Variants in INTS1 observed in about 807,000 individuals in gnomAD.
INTS1 encodes the protein integrator complex subunit 1.
INTS1 carries 137 observed loss-of-function variants against 241.6 expected under a neutral mutation model. That is an observed-to-expected ratio of 0.57 (90% CI 0.49 to 0.65). The LOEUF (loss-of-function observed/expected upper bound fraction) is 0.65. Among genes scored for constraint, INTS1 ranks in the 30% least tolerant of loss-of-function variants. The pLI is 0.00. For missense variants in INTS1, 3,073 were observed against 3,032.2 expected (o/e 1.01, Z -0.32); for synonymous variants, 1,692 against 1,337.8 (o/e 1.26, Z -5.78).
In INTS1 at chr7:1,471,518, G is replaced by C. The variant is rs1285785122; in HGVS notation, c.6255+53C>G. ...ATGTTGGGGTGGTGGCCCTGCTGGG[G>C]TTCCCCAAGGGAGTGGCTCCTCCCA... On this transcript the variant is annotated intron_variant, in intron 45 of 47. Coordinates refer to ENST00000404767, the MANE Select transcript of INTS1 (RefSeq NM_001080453.3). 12 of 1,577,854 alleles carry C rather than the reference G, an allele frequency of 7.6e-6. No homozygotes were observed. In the Admixed American group the frequency reaches 1.8e-4, roughly 24 times the overall value.
At chr7:1,495,788 G>A (rs1782818811) in intron 12 of INTS1, among the ~76,000 whole-genome samples, 1 of 152,168 alleles carries the variant, frequency 6.6e-6, no homozygotes, top group African/African-American at 2.4e-5. Context: ...CAATGGCTTA[G>A]AGGGCTTCTG....
chr7:1,485,630 G>C, intron 22 of INTS1, 161 bp from the exon 23 acceptor site: 1 of 698,200 alleles, frequency 1.4e-6, no homozygotes, highest in Non-Finnish European at 2.3e-6. Flanking sequence ...ACGAGACTGA[G>C]CTCTTTCTGT....
Position 1,490,108 on chromosome 7 carries a change from T to C in INTS1, c.2166-426A>G, listed in dbSNP as rs112464079. 2.6e-4 allele frequency among the ~76,000 whole-genome samples: 39 copies of C among 151,806 alleles called. 1 individual carries two copies. The highest frequency in any genetic ancestry group is 9.0e-4 in the African/African-American group (37 of 41,318). Reference sequence around the variant, plus strand: ...ATGAGACAGATGTGAATCGAGGCACTGCCTGGAGCCACATGCAGAGGCTGC... The same window carrying C: ...ATGAGACAGATGTGAATCGAGGCACCGCCTGGAGCCACATGCAGAGGCTGC... On this transcript the variant is annotated intron_variant, in intron 16 of 47. Transcript: ENST00000404767.
Position 1,503,102 on chromosome 7 carries a change from G to T in INTS1, c.148C>A (p.Pro50Thr). Residue 50 changes from proline (P) to threonine (T), a missense_variant, in exon 3 of 48, where the codon CCT (proline) becomes ACT (threonine). Transcript: ENST00000404767. The stretch of plus-strand genomic sequence containing the variant: ...TTGCGCTCAGAAGGCAGGCCGGAAG[G>T]GGCTGGCTTCAGCAGGGTGGACGCC... ...KTASTLLKPAPSGLPSERKRD... is the reference protein window; with the variant it reads ...KTASTLLKPATSGLPSERKRD... The T allele has an allele frequency of 6.2e-7, 1 of 1,609,376 alleles. No individual in the cohort carries two copies.
chr7:1,478,168 G>A (rs919450135), intron 33 of INTS1, among the ~76,000 whole-genome samples, 198 bp downstream of exon 33: 5 of 151,870 alleles, frequency 3.3e-5, no homozygotes, highest in African/African-American at 1.2e-4. Flanking sequence ...CAGTGATCAG[G>A]GGCCCCCCAA....
At position 1,476,796 on chromosome 7, in the gene INTS1, C is replaced by T; in HGVS notation, c.5061G>A (p.Gln1687=). 1 of 1,612,864 alleles carries T rather than the reference C, an allele frequency of 6.2e-7. No individual in the cohort carries two copies. Among genetic ancestry groups the T allele is most frequent in the Non-Finnish European group, 8.5e-7 (1 of 1,179,866 alleles). The change falls in exon 36 of 48, where the codon CAG becomes CAA. Residue 1687 remains glutamine (Q), a splice_region_variant and synonymous_variant. Coordinates refer to ENST00000404767, the MANE Select transcript of INTS1 (RefSeq NM_001080453.3). ...IRVLLGKSRE[Q]RFDPSASLDF... ...GTTGGGGACAGGGAGGCGCCCACCT[C>T]TGTTCCCGGCTCTTGCCCAGCAGGA...
At position 1,500,320 on chromosome 7, in the gene INTS1, C is replaced by A; in HGVS notation, c.396G>T (p.Glu132Asp). 1 of 1,591,550 alleles carries A rather than the reference C, an allele frequency of 6.3e-7. No homozygotes were observed. The highest frequency in any genetic ancestry group is 8.6e-7 in the Non-Finnish European group (1 of 1,167,210). ...CGCCCTCGATCCTGTCATCGTTGCC[C>A]TCCAGCTCGGCCGCCTCGATCTCAT... ...LLDEIEAAELEGNDDRIEGVL... is the reference protein window; with the variant it reads ...LLDEIEAAELDGNDDRIEGVL... Residue 132 changes from glutamate to aspartate, a missense_variant, in exon 4 of 48, where the codon GAG (glutamate) becomes GAT (aspartate). By Grantham distance (45) the Glu-to-Asp change is conservative (BLOSUM62 2). Coordinates refer to ENST00000404767, the MANE Select transcript of INTS1 (RefSeq NM_001080453.3).
chr7:1,490,254 A>C (rs1782481990), intron 16 of INTS1, among the ~76,000 whole-genome samples: 1 of 152,202 alleles, frequency 6.6e-6, no homozygotes, highest in Non-Finnish European at 1.5e-5. Flanking sequence ...CGGGATTCCG[A>C]AGTGCGTCCG....
intron 33 of INTS1, 67 bp from the exon 34 acceptor site, chr7:1,478,003 G>C (rs953721483): frequency 1.5e-6 from 2 of 1,342,490 alleles, no homozygotes; most frequent in Non-Finnish European, 1.1e-6. Context: ...AGTGGGTGTG[G>C]GCTAGCCAGG....
Position 1,499,053 on chromosome 7 carries a change from G to A in INTS1, c.1059C>T (p.Leu353=), listed in dbSNP as rs770538116. 6.3e-7 allele frequency: 1 copy of A among 1,596,026 alleles called. No individual in the cohort carries two copies. Among genetic ancestry groups the A allele is most frequent in the East Asian group, 2.3e-5 (1 of 44,080 alleles). The change falls in exon 8 of 48, where the codon CTC becomes CTT. Residue 353 remains leucine, a synonymous_variant. Transcript: ENST00000404767. Reference sequence around the variant, plus strand: ...CCTTATAGCCGCAGGTGGAGGTGAGGAGCCGCAGGAGGTTCCTGGAGACGT... The same window carrying A: ...CCTTATAGCCGCAGGTGGAGGTGAGAAGCCGCAGGAGGTTCCTGGAGACGT... The part of the protein sequence containing the change: ...IDNVSRNLLR[L]LTSTCGYKEV...
At position 1,480,893 on chromosome 7, in the gene INTS1, G is replaced by C. The variant is rs573774369; in HGVS notation, c.3891C>G (p.Gly1297=). The change falls in exon 29 of 48, where the codon GGC becomes GGG. Residue 1297 remains glycine, a synonymous_variant. Coordinates refer to ENST00000404767, the MANE Select transcript of INTS1 (RefSeq NM_001080453.3). ...AGTGGAAAGTCTGGCCTCCGGAGGC[G>C]CCGCGCTCATGCTGGACCTCCACCA... The part of the protein sequence containing the change: ...AHLVEVQHER[G]ASGGQTFHSL... 3.7e-5 allele frequency: 58 copies of C among 1,561,502 alleles called. 1 individual carries two copies. The highest frequency in any genetic ancestry group is 2.5e-4 in the South Asian group (21 of 84,818).
chr7:1,474,682 G>C, intron 40 of INTS1, 23 bp downstream of exon 40: 1 of 1,551,076 alleles, frequency 6.4e-7, no homozygotes, highest in Non-Finnish European at 8.7e-7. Context: ...TGTCTGGCGA[G>C]GGCAGGGCTT....
At position 1,498,959 on chromosome 7, in the gene INTS1, C is replaced by CCGGGGGCCCCCCCCCA; in HGVS notation, c.1137+15_1137+16insTGGGGGGGGGCCCCCG. The stretch of plus-strand genomic sequence containing the variant: ...CCACCCCCTGCCCCGCCCACCCCCC[C>CCGGGGGCCCCCCCCCA]GGGGCGCCCCCGCACCTTGGGGTTC... On this transcript the variant is annotated intron_variant, in intron 8 of 47. Transcript: ENST00000404767. 6.7e-7 allele frequency: 1 copy of CCGGGGGCCCCCCCCCA among 1,487,812 alleles called. No homozygotes were observed. Among genetic ancestry groups the CCGGGGGCCCCCCCCCA allele is most frequent in the Non-Finnish European group, 8.9e-7 (1 of 1,118,782 alleles). 92.2% of individuals were successfully genotyped at this position (1,487,812 alleles called of 1,614,324 possible). A position where few individuals can be genotyped will look rare whatever the true frequency, so the allele number is the denominator to read the frequency against.
chr7:1,475,098 G>A (rs976116165), intron 39 of INTS1, among the ~76,000 whole-genome samples: 13 of 152,186 alleles, frequency 8.5e-5, no homozygotes, highest in African/African-American at 1.7e-4. Flanking sequence ...ACTACACATC[G>A]GCCAAGCAGG....
At chr7:1,478,248 T>C (rs1781822529) in intron 33 of INTS1, 118 bp downstream of exon 33, 2 of 1,204,178 alleles carry the variant, frequency 1.7e-6, no homozygotes, top group African/African-American at 1.5e-5. Context: ...CTGTGGGCAC[T>C]TTCCGGGGAC....
chr7:1,475,255 C>T (rs1441156564), intron 39 of INTS1, among the ~76,000 whole-genome samples: 1 of 151,986 alleles, frequency 6.6e-6, no homozygotes. Flanking sequence ...TGTGGTGGCA[C>T]GTGCCTGTGA....
chr7:1,493,253 G>T lies in INTS1; in HGVS notation c.2069-147C>A. On this transcript the variant is annotated intron_variant, in intron 15 of 47. Transcript: ENST00000404767. The surrounding 1 kb of genome is among the most constrained non-coding windows in gnomAD (Gnocchi z 5.3). Reference sequence around the variant, plus strand: ...CGCAGGCCTGAGCAGGAGAGCTGGGGGAAGCTTGGCTTCTCACTGGGAAAC... The same window carrying T: ...CGCAGGCCTGAGCAGGAGAGCTGGGTGAAGCTTGGCTTCTCACTGGGAAAC... The T allele has an allele frequency of 4.6e-6, 3 of 653,704 alleles. No individual in the cohort carries two copies. The highest frequency in any genetic ancestry group is 1.9e-5 in the South Asian group (1 of 53,164). The allele number at this position is 653,704 out of a possible 1,614,324, so 40.5% of individuals were successfully genotyped here. A position where few individuals can be genotyped will look rare whatever the true frequency, so the allele number is the denominator to read the frequency against.
chr7:1,471,755 T>A (rs1781477208), intron 44 of INTS1, 114 bp from the exon 45 acceptor site: 4 of 959,894 alleles, frequency 4.2e-6, no homozygotes, highest in Non-Finnish European at 6.5e-6. Flanking sequence ...CAGAAAGCAC[T>A]GGAAAGCATG....
At chr7:1,490,051 G>C (rs140213113) in intron 16 of INTS1, among the ~76,000 whole-genome samples, 7 of 150,098 alleles carry the variant, frequency 4.7e-5, no homozygotes, top group Admixed American at 3.3e-4. Context: ...ATCAAAGCAC[G>C]GGCCCCTCGG....
Sources: gnomAD v4.1 joint callset for allele counts (sites outside exome capture counted in the v4.1 genomes callset) on GRCh38, gnomAD v4.1.1 for gene constraint, Gnocchi (gnomAD v3.1) non-coding constraint, MANE v1.5 for transcripts, NCBI Gene and HGNC (gene_info 2026-07-23, HGNC 2026-07-21) for gene names.